The following ASAP1 variants were observed in gnomAD, a reference collection of about 807,000 sequenced individuals.
ASAP1 encodes the protein arf-GAP with SH3 domain, ANK repeat and PH domain-containing protein 1.
In ASAP1, 43 loss-of-function variants were observed where a neutral mutation model predicts 145.2. The ratio of observed to expected loss-of-function variants is 0.30; its 90% CI spans 0.23 to 0.38. ASAP1 has a LOEUF of 0.38. Among genes scored for constraint, ASAP1 ranks in the 10% least tolerant of loss-of-function variants. The pLI, the probability that ASAP1 is intolerant of heterozygous loss-of-function variation, is 1.00. For synonymous variants in ASAP1, 546 were observed against 515.5 expected (o/e 1.06, Z -0.80); for missense variants, 1,018 against 1,355.3 (o/e 0.75, Z 3.91).
At chr8:130,276,716 ACACACACACACACTCTCTCTCTCT>A in intron 3 of ASAP1, among the ~76,000 whole-genome samples, 1 of 128,720 alleles carries the variant, frequency 7.8e-6, no homozygotes, top group Admixed American at 8.0e-5. Context: ...ACACACACAC[ACACACACACACACTCTCTCTCTCT>A]CTCTCTCTCT....
intron 7 of ASAP1, among the ~76,000 whole-genome samples, chr8:130,184,335 GA>G (rs1377751605): frequency 2.6e-5 from 4 of 152,226 alleles, no homozygotes; most frequent in African/African-American, 9.6e-5. Context: ...GCTAAAGCTA[GA>G]AAGAGCAAGA....
At chr8:130,156,364 C>T (rs2097658230) in intron 12 of ASAP1, among the ~76,000 whole-genome samples, 1 of 152,236 alleles carries the variant, frequency 6.6e-6, no homozygotes, top group African/African-American at 2.4e-5. Context: ...GGAGGTGGAA[C>T]CACCTGACTT....
chr8:130,404,790 C>A (rs953920147), intron 1 of ASAP1, among the ~76,000 whole-genome samples: 2 of 152,186 alleles, frequency 1.3e-5, no homozygotes, highest in Non-Finnish European at 2.9e-5. Flanking sequence ...GGATCACTGA[C>A]TTGCTGTAGC....
intron 3 of ASAP1, among the ~76,000 whole-genome samples, chr8:130,323,266 G>T (rs924996334): frequency 6.6e-6 from 1 of 152,168 alleles, no homozygotes; most frequent in African/African-American, 2.4e-5. Flanking sequence ...GAACATTACG[G>T]ACTGGACACT....
intron 1 of ASAP1, among the ~76,000 whole-genome samples, chr8:130,439,067 G>A (rs1331058444): frequency 6.6e-6 from 1 of 152,188 alleles, no homozygotes; most frequent in African/African-American, 2.4e-5. Flanking sequence ...GATTATACAG[G>A]TGGCCCAGTG....
chr8:130,207,634 T>C (rs1381602104), intron 5 of ASAP1, among the ~76,000 whole-genome samples: 2 of 152,196 alleles, frequency 1.3e-5, no homozygotes, highest in South Asian at 2.1e-4. Context: ...ACAAGTAAGA[T>C]GCTGAGTATT....
chr8:130,151,091 G>C (rs963568096), intron 13 of ASAP1, among the ~76,000 whole-genome samples: 1 of 151,956 alleles, frequency 6.6e-6, no homozygotes, highest in East Asian at 1.9e-4. Flanking sequence ...GCTGAAGAAG[G>C]GCCAGGCGTG....
chr8:130,179,171 G>A (rs1814176856), intron 9 of ASAP1, 93 bp downstream of exon 9: 4 of 729,176 alleles, frequency 5.5e-6, no homozygotes, highest in Non-Finnish European at 6.8e-6. Flanking sequence ...TTAGTCACGA[G>A]ATGAAGAAAA....
rs748458373 is a variant in ASAP1, at chr8:130,128,025, C to G, written c.1283G>C (p.Ser428Thr). Residue 428 changes from serine to threonine, a missense_variant, in exon 16 of 30, where the codon AGT (serine) becomes ACT (threonine). By Grantham distance (58) the Ser-to-Thr change is moderately conservative (BLOSUM62 1). Coordinates refer to ENST00000518721, the MANE Select transcript of ASAP1 (RefSeq NM_018482.4). ...GTCTTCCAGGCTGTTCTCTCCCGCA[C>G]TCTGCTCTCCACGGAAGGCCATGGT... ...ALTMAFRGEQSAGENSLEDLT... is the reference protein window; with the variant it reads ...ALTMAFRGEQTAGENSLEDLT... The G allele has an allele frequency of 1.2e-6, 2 of 1,613,910 alleles. No homozygotes were observed. The highest frequency in any genetic ancestry group is 1.7e-6 in the Non-Finnish European group (2 of 1,179,996).
At chr8:130,073,404 A>G (rs186784676) in intron 27 of ASAP1, among the ~76,000 whole-genome samples, 1 of 152,036 alleles carries the variant, frequency 6.6e-6, no homozygotes, top group East Asian at 1.9e-4. Flanking sequence ...AAAAAAAAAA[A>G]ACAAATACAA....
chr8:130,370,261 C>T (rs984055224), intron 2 of ASAP1, among the ~76,000 whole-genome samples: 3 of 152,186 alleles, frequency 2.0e-5, no homozygotes, highest in Non-Finnish European at 4.4e-5. Context: ...GAGATCACAC[C>T]GTTGCATTCC....
At chr8:130,325,240 A>T (rs1361148967) in intron 3 of ASAP1, among the ~76,000 whole-genome samples, 2 of 152,122 alleles carry the variant, frequency 1.3e-5, no homozygotes. Flanking sequence ...CTAGGAGGAG[A>T]GCTGAACAAA....
chr8:130,105,666 A>T (rs1031475), intron 24 of ASAP1, among the ~76,000 whole-genome samples: 106,699 of 152,014 alleles, frequency 0.7, 37,520 homozygotes, highest in South Asian at 0.78. Context: ...TAACCGTATA[A>T]TTATACAAAG....
At chr8:130,300,103 A>G (rs1449962130) in intron 3 of ASAP1, among the ~76,000 whole-genome samples, 5 of 143,558 alleles carry the variant, frequency 3.5e-5, no homozygotes, top group Non-Finnish European at 4.6e-5. Context: ...AACAAGAAGT[A>G]AAAGAAAAAT....
chr8:130,098,097 T>A (rs1040384574), intron 24 of ASAP1, among the ~76,000 whole-genome samples: 2 of 151,778 alleles, frequency 1.3e-5, no homozygotes, highest in Non-Finnish European at 2.9e-5. Context: ...TCTTGTAAAA[T>A]ATTATCATTA....
rs148589331 is a variant in ASAP1, at chr8:130,192,059, T to C, written c.406-3876A>G. ...CACATCTAAGAAACAATCACTTCTT[T>C]CTTATTTCAAAGACAAAGGGATTTC... On this transcript the variant is annotated intron_variant, in intron 5 of 29. Coordinates refer to ENST00000518721, the MANE Select transcript of ASAP1 (RefSeq NM_018482.4). 3.6e-3 allele frequency among the ~76,000 whole-genome samples: 541 copies of C among 152,116 alleles called. 1 individual carries two copies. Among genetic ancestry groups the C allele is most frequent in the African/African-American group, 0.013 (521 of 41,500 alleles).
At chr8:130,146,994 G>T (rs2135913526) in intron 13 of ASAP1, among the ~76,000 whole-genome samples, 1 of 152,178 alleles carries the variant, frequency 6.6e-6, no homozygotes, top group South Asian at 2.1e-4. Flanking sequence ...GGGAAGCCGA[G>T]GTGGGTGGAT....
At chr8:130,101,783 G>T (rs2097529332) in intron 24 of ASAP1, among the ~76,000 whole-genome samples, 1 of 120,056 alleles carries the variant, frequency 8.3e-6, no homozygotes, top group African/African-American at 3.4e-5. Context: ...TGTTGCCCAG[G>T]CTGGTCTCAA....
At chr8:130,119,801 G>GTT (rs201471995) in intron 18 of ASAP1, among the ~76,000 whole-genome samples, 28 of 147,864 alleles carry the variant, frequency 1.9e-4, no homozygotes, top group Admixed American at 2.7e-4. Context: ...ATGAGCTTCA[G>GTT]TTTTTTTTTT....
Sources: allele counts gnomAD v4.1 joint callset (sites outside exome capture counted in the v4.1 genomes callset), GRCh38; gene constraint gnomAD v4.1.1; transcripts MANE v1.5; gene names NCBI Gene and HGNC (gene_info 2026-07-23, HGNC 2026-07-21).